The following OSBPL10 variants were observed in gnomAD, a reference collection of about 807,000 sequenced individuals.
OSBPL10 encodes the protein oxysterol binding protein like 10, also known as oxysterol-binding protein-related protein 10.
OSBPL10 carries 49 observed loss-of-function variants against 81.7 expected under a neutral mutation model. That is an observed-to-expected ratio of 0.60 (90% CI 0.48 to 0.76). The LOEUF (loss-of-function observed/expected upper bound fraction) is 0.76. Ranked by LOEUF, OSBPL10 falls within the 30% of genes least tolerant of loss-of-function variation. The pLI is 0.00. For synonymous variants in OSBPL10, 419 were observed against 383.6 expected (o/e 1.09, Z -1.08); for missense variants, 923 against 987.8 (o/e 0.93, Z 0.88).
intron 1 of OSBPL10, among the ~76,000 whole-genome samples, chr3:31,939,153 T>C (rs903459911): frequency 1.3e-4 from 20 of 150,404 alleles, no homozygotes; most frequent in South Asian, 1.1e-3. Flanking sequence ...CCTTTTTTTT[T>C]TTTTTTTTTG....
intron 2 of OSBPL10, among the ~76,000 whole-genome samples, chr3:32,026,024 A>ATAGG (rs1240389229): frequency 4.1e-5 from 5 of 121,490 alleles, no homozygotes; most frequent in African/African-American, 1.6e-4. Flanking sequence ...AGATAGATAG[A>ATAGG]TAGATAGATA....
intron 2 of OSBPL10, chr3:32,045,875 C>A (rs570373319): frequency 1.3e-5 from 2 of 152,362 alleles, no homozygotes; most frequent in South Asian, 2.1e-4. Flanking sequence ...AGAATCTCTG[C>A]CTGTTTGAAG....
chr3:31,876,372 A>C (rs1380508410), intron 3 of OSBPL10, 61 bp downstream of exon 3: 2 of 1,408,766 alleles, frequency 1.4e-6, no homozygotes, highest in African/African-American at 1.4e-5. Context: ...AGAAACAAAT[A>C]ATGGGGCTGA....
intron 2 of OSBPL10, among the ~76,000 whole-genome samples, chr3:32,003,033 C>A (rs1192394278): frequency 3.3e-5 from 5 of 152,184 alleles, no homozygotes; most frequent in Admixed American, 3.3e-4. Context: ...CTGGGAAAAG[C>A]AGAAGCTGGC....
chr3:32,020,681 G>T (rs562781774), intron 2 of OSBPL10, among the ~76,000 whole-genome samples: 30 of 151,582 alleles, frequency 2.0e-4, no homozygotes, highest in African/African-American at 5.1e-4. Flanking sequence ...TTTATAATAG[G>T]CAAAATGTTC....
rs553199747 is a variant in OSBPL10, at chr3:32,012,816, T to C, written n.298+33675A>G. Among the ~76,000 whole-genome samples, 911 of 152,214 alleles carry C rather than the reference T, an allele frequency of 6.0e-3. 3 individuals are homozygous for C. Among genetic ancestry groups the C allele is most frequent in the Non-Finnish European group, 0.01 (686 of 68,016 alleles). ...TCCTAGTCTCTGATAAAACAGACTT[T>C]AAACCAACAAAGATCAAAAGAGACC... On this transcript the variant is annotated intron_variant and non_coding_transcript_variant, in intron 2 of 3. Transcript: ENST00000479173.
Position 31,776,917 on chromosome 3 carries a change from T to C in OSBPL10, c.730-28797A>G, listed in dbSNP as rs1319900402. On this transcript the variant is annotated intron_variant, in intron 4 of 11. Transcript: ENST00000396556. ...CACTAACAGCCATGGAATTGTTCACTTTAAAATGGTTAATATTTTAGGGAA... is the reference window on the plus strand; with the variant it reads ...CACTAACAGCCATGGAATTGTTCACCTTAAAATGGTTAATATTTTAGGGAA... 2.6e-5 allele frequency among the ~76,000 whole-genome samples: 4 copies of C among 152,194 alleles called. No homozygotes were observed. The East Asian group carries it at 7.7e-4, about 29-fold the overall frequency.
At chr3:31,971,246 T>G (rs1445582847) in intron 1 of OSBPL10, among the ~76,000 whole-genome samples, 1 of 151,700 alleles carries the variant, frequency 6.6e-6, no homozygotes, top group Non-Finnish European at 1.5e-5. Context: ...GTTCAAGCGA[T>G]TCTCCTGTCT....
chr3:31,917,312 A>G (rs1275603292), intron 1 of OSBPL10, among the ~76,000 whole-genome samples: 2 of 152,216 alleles, frequency 1.3e-5, no homozygotes, highest in Non-Finnish European at 2.9e-5. Context: ...TACAGTCTTT[A>G]TAGTGAAAAG....
rs547745985 is a variant in OSBPL10 at position 31,745,532 on chromosome 3, C to T, written c.940+2378G>A. Among the ~76,000 whole-genome samples, 3 of 152,204 alleles carry T rather than the reference C, an allele frequency of 2.0e-5. No individual in the cohort carries two copies. In the East Asian group the frequency reaches 5.8e-4, roughly 29 times the overall value. On this transcript the variant is annotated intron_variant, in intron 5 of 11. Coordinates refer to ENST00000396556, the MANE Select transcript of OSBPL10 (RefSeq NM_017784.5). ...CATCTGCCTTGAGAGAATTATAATG[C>T]TCGCAAGACACGGTTCCTGGCCTCA...
intron 3 of OSBPL10, among the ~76,000 whole-genome samples, chr3:31,838,724 G>A (rs955653839): frequency 2.6e-5 from 4 of 151,654 alleles, no homozygotes; most frequent in East Asian, 1.9e-4. Context: ...TAGCATCTTC[G>A]AAAAAAATTA....
At chr3:31,723,025 G>A (rs1474661993) in intron 6 of OSBPL10, among the ~76,000 whole-genome samples, 5 of 152,154 alleles carry the variant, frequency 3.3e-5, no homozygotes, top group Non-Finnish European at 5.9e-5. Flanking sequence ...GTTCTCAACT[G>A]CATTTAATTT....
chr3:31,980,946 C>T lies in OSBPL10; in HGVS notation c.234G>A (p.Glu78=), dbSNP rs763312845. ...GGGRRREPAL[E]GVLSKYTNLL... is the part of the protein sequence containing the mutation. ...GGTTGGTGTATTTGCTGAGCACGCC[C>T]TCGAGCGCCGGCTCCCTCCTGCGGC... Residue 78 remains glutamate (E), a synonymous_variant, in exon 1 of 12, where the codon GAG becomes GAA. Coordinates refer to ENST00000396556, the MANE Select transcript of OSBPL10 (RefSeq NM_017784.5). The T allele has an allele frequency of 1.3e-6, 2 of 1,579,304 alleles. No homozygotes were observed. Among genetic ancestry groups the T allele is most frequent in the South Asian group, 2.3e-5 (2 of 88,060 alleles).
chr3:32,021,597 CT>C (rs1319141321), intron 2 of OSBPL10, among the ~76,000 whole-genome samples: 5 of 151,978 alleles, frequency 3.3e-5, no homozygotes, highest in Admixed American at 6.6e-5. Context: ...TGTTGAACAC[CT>C]TTTTCATGTA....
chr3:31,791,758 T>C (rs1575546778), intron 4 of OSBPL10, among the ~76,000 whole-genome samples: 2 of 149,828 alleles, frequency 1.3e-5, no homozygotes, highest in South Asian at 2.1e-4. Flanking sequence ...GTGAGAAAAA[T>C]AGACCACTAG....
At chr3:31,959,185 G>A (rs554500181) in intron 1 of OSBPL10, among the ~76,000 whole-genome samples, 112 of 152,160 alleles carry the variant, frequency 7.4e-4, no homozygotes, top group Admixed American at 1.3e-3. Context: ...CGAGATATCG[G>A]CTCACAGAGA....
intron 2 of OSBPL10, among the ~76,000 whole-genome samples, chr3:32,018,805 G>T (rs961327794): frequency 1.3e-5 from 2 of 152,280 alleles, no homozygotes; most frequent in Admixed American, 1.3e-4. Context: ...AGAAAAAAAG[G>T]TAGTGTTTTT....
intron 1 of OSBPL10, among the ~76,000 whole-genome samples, chr3:31,892,997 G>T (rs901063617): frequency 2.0e-5 from 3 of 152,098 alleles, no homozygotes; most frequent in Non-Finnish European, 4.4e-5. Flanking sequence ...ATACATCCTT[G>T]GTCAACAGAG....
intron 2 of OSBPL10, among the ~76,000 whole-genome samples, chr3:31,992,181 A>G (rs943443359): frequency 3.3e-5 from 5 of 151,804 alleles, no homozygotes; most frequent in Non-Finnish European, 7.4e-5. Context: ...AGTGTGGTGT[A>G]GGCAAAAAGT....
Sources: allele counts gnomAD v4.1 joint callset (sites outside exome capture counted in the v4.1 genomes callset), GRCh38; gene constraint gnomAD v4.1.1; transcripts MANE v1.5; gene names NCBI Gene and HGNC (gene_info 2026-07-23, HGNC 2026-07-21).